The following ARL15 variants were observed in gnomAD, a reference collection of about 807,000 sequenced individuals.
ARL15 encodes the protein ARF like GTPase 15, also known as ADP-ribosylation factor-like protein 15.
ARL15 carries 19 observed loss-of-function variants against 25.2 expected under a neutral mutation model. That is an observed-to-expected ratio of 0.75 (90% confidence interval 0.53 to 1.10). The LOEUF (loss-of-function observed/expected upper bound fraction) is 1.10. Among genes scored for constraint, ARL15 ranks in the 50% least tolerant of loss-of-function variants. The pLI, the probability that ARL15 is intolerant of heterozygous loss-of-function variation, is 0.00. For synonymous variants in ARL15, 94 were observed against 86.8 expected (o/e 1.08, Z -0.46); for missense variants, 220 against 246.0 (o/e 0.89, Z 0.71).
intron 4 of ARL15, among the ~76,000 whole-genome samples, chr5:54,083,412 T>A (rs2112117229): frequency 6.6e-6 from 1 of 152,338 alleles, no homozygotes; most frequent in African/African-American, 2.4e-5. Flanking sequence ...CAATAGGGAT[T>A]GAGTGCTCAT....
intron 4 of ARL15, among the ~76,000 whole-genome samples, chr5:54,086,108 T>C (rs535478690): frequency 2.9e-4 from 43 of 150,320 alleles, no homozygotes; most frequent in African/African-American, 1.0e-3. Flanking sequence ...GAGACGGGGT[T>C]TCTCCATGTT....
intron 4 of ARL15, among the ~76,000 whole-genome samples, chr5:54,064,991 C>T (rs1751175377): frequency 6.6e-6 from 1 of 152,150 alleles, no homozygotes; most frequent in South Asian, 2.1e-4. Flanking sequence ...GTCAACTCTA[C>T]TCCATAAACA....
chr5:54,220,103 T>TA (rs1429897398), intron 1 of ARL15, among the ~76,000 whole-genome samples: 1 of 152,212 alleles, frequency 6.6e-6, no homozygotes, highest in Non-Finnish European at 1.5e-5. Flanking sequence ...AATAATCATG[T>TA]AACTCTTTCA....
At chr5:54,066,977 C>A (rs561650889) in intron 4 of ARL15, among the ~76,000 whole-genome samples, 37 of 152,210 alleles carry the variant, frequency 2.4e-4, no homozygotes, top group African/African-American at 8.7e-4. Flanking sequence ...CTAAGTACTT[C>A]TTAGATTCAC....
At chr5:54,218,529 C>A (rs548209358) in intron 1 of ARL15, among the ~76,000 whole-genome samples, 1 of 152,248 alleles carries the variant, frequency 6.6e-6, no homozygotes, top group African/African-American at 2.4e-5. Flanking sequence ...ATAAAGCATC[C>A]ATATTACCAC....
intron 4 of ARL15, among the ~76,000 whole-genome samples, chr5:54,052,308 A>C (rs979312892): frequency 6.6e-5 from 10 of 152,214 alleles, no homozygotes; most frequent in African/African-American, 2.4e-4. Flanking sequence ...AAGTCGGGGA[A>C]GCCTAGCATG....
chr5:54,197,768 AAG>A (rs1755594086), intron 1 of ARL15, among the ~76,000 whole-genome samples: 1 of 152,150 alleles, frequency 6.6e-6, no homozygotes, highest in Non-Finnish European at 1.5e-5. Context: ...TCAATAGAAA[AAG>A]AGGGAATCCT....
chr5:54,183,720 T>A (rs1025677289), intron 1 of ARL15, among the ~76,000 whole-genome samples: 6 of 149,800 alleles, frequency 4.0e-5, no homozygotes, highest in Non-Finnish European at 8.9e-5. Flanking sequence ...GAACTAGAAA[T>A]ACCATTTGAC....
intron 4 of ARL15, among the ~76,000 whole-genome samples, chr5:54,033,658 C>T (rs540152596): frequency 8.4e-5 from 12 of 143,066 alleles, no homozygotes; most frequent in Non-Finnish European, 1.4e-4. Context: ...GGCAACAGAG[C>T]GAGAATTCCA....
At chr5:54,158,660 G>A (rs1754312072) in intron 2 of ARL15, among the ~76,000 whole-genome samples, 1 of 152,168 alleles carries the variant, frequency 6.6e-6, no homozygotes, top group Non-Finnish European at 1.5e-5. Flanking sequence ...GGATCACGAG[G>A]TCAGGAGTTT....
At chr5:54,078,811 C>A (rs1181938536) in intron 4 of ARL15, among the ~76,000 whole-genome samples, 4 of 151,998 alleles carry the variant, frequency 2.6e-5, no homozygotes, top group African/African-American at 4.8e-5. Flanking sequence ...TCCTACTAAA[C>A]CTTGATAGCA....
At chr5:54,185,560 C>T (rs1755213017) in intron 1 of ARL15, among the ~76,000 whole-genome samples, 2 of 152,096 alleles carry the variant, frequency 1.3e-5, no homozygotes, top group Admixed American at 6.6e-5. Context: ...AGATGTGCTC[C>T]CCAGTGATGT....
At chr5:53,887,390 T>C (rs1306678211) in intron 4 of ARL15, 1 of 700,056 alleles carries the variant, frequency 1.4e-6, no homozygotes, top group Non-Finnish European at 2.6e-6. Flanking sequence ...TTTTCTAGGA[T>C]GGAAAAAGCA....
At chr5:53,905,583 A>G (rs1010579242) in intron 4 of ARL15, among the ~76,000 whole-genome samples, 4 of 152,150 alleles carry the variant, frequency 2.6e-5, no homozygotes, top group African/African-American at 7.2e-5. Context: ...CCTGATTACA[A>G]TCTTCCACAC....
At chr5:54,011,114 C>A (rs1365515498) in intron 4 of ARL15, among the ~76,000 whole-genome samples, 2 of 152,030 alleles carry the variant, frequency 1.3e-5, no homozygotes, top group Non-Finnish European at 2.9e-5. Flanking sequence ...GTGGAAAAAG[C>A]CCTCCGTGAG....
intron 4 of ARL15, among the ~76,000 whole-genome samples, chr5:54,004,430 T>C (rs993149850): frequency 1.3e-5 from 2 of 150,654 alleles, no homozygotes; most frequent in Admixed American, 1.3e-4. Flanking sequence ...GAGGTGGAGG[T>C]TGCAGTGAGC....
chr5:53,912,817 T>C (rs938156658), intron 4 of ARL15, among the ~76,000 whole-genome samples: 1 of 152,198 alleles, frequency 6.6e-6, no homozygotes, highest in Non-Finnish European at 1.5e-5. Context: ...TGCCAGATAC[T>C]CTTCTAGAGA....
intron 4 of ARL15, among the ~76,000 whole-genome samples, chr5:53,889,817 T>G (rs1031994797): frequency 6.6e-6 from 1 of 151,710 alleles, no homozygotes; most frequent in African/African-American, 2.4e-5. Context: ...ACTGTTTTTT[T>G]TTTTTTTTTT....
intron 3 of ARL15, among the ~76,000 whole-genome samples, chr5:54,117,484 A>G (rs547857866): frequency 2.0e-5 from 3 of 152,232 alleles, no homozygotes; most frequent in African/African-American, 7.2e-5. Context: ...TTAATAGTGA[A>G]AAGATCCTTT....
Sources: gnomAD v4.1 joint callset for allele counts (sites outside exome capture counted in the v4.1 genomes callset) on GRCh38, gnomAD v4.1.1 for gene constraint, MANE v1.5 for transcripts, NCBI Gene and HGNC (gene_info 2026-07-23, HGNC 2026-07-21) for gene names.